The following UGT2A3 variants were observed in gnomAD, a reference collection of about 807,000 sequenced individuals.
UGT2A3 encodes UDP glucuronosyltransferase family 2 member A3.
In UGT2A3, 55 loss-of-function variants were observed where a neutral mutation model predicts 44.1. The ratio of observed to expected loss-of-function variants is 1.25; its 90% CI spans 1.00 to 1.56. UGT2A3 has a LOEUF of 1.56. UGT2A3 is among the 40% of genes most tolerant of loss of function. UGT2A3 has a pLI of 0.00. For synonymous variants in UGT2A3, 243 were observed against 215.1 expected (o/e 1.13, Z -1.13); for missense variants, 733 against 621.6 (o/e 1.18, Z -1.91).
Position 68,945,410 on chromosome 4 carries a change from A to G in UGT2A3, c.760T>C (p.Trp254Arg), listed in dbSNP as rs1264582193. The change falls in exon 2 of 6, where the codon TGG becomes CGG. Residue 254 changes from tryptophan to arginine, a missense_variant. Trp to Arg is a moderately radical substitution (Grantham distance 101). Coordinates refer to ENST00000251566, the MANE Select transcript of UGT2A3 (RefSeq NM_024743.4). ...AAATCCCAATATGTTCGTATTAGCC[A>G]TATCTCAGCTTTTCCCACAGTCTCA... ...LCETVGKAEI[W>R]LIRTYWDFEF... 2.5e-6 allele frequency: 4 copies of G among 1,611,136 alleles called. No homozygotes were observed. The highest frequency in any genetic ancestry group is 3.4e-5 in the Admixed American group (2 of 59,678).
chr4:68,930,896 A>G (rs1414165481), intron 4 of UGT2A3, 131 bp from the exon 5 acceptor site: 7 of 817,246 alleles, frequency 8.6e-6, no homozygotes, highest in African/African-American at 5.2e-5. Flanking sequence ...AGGTGAGCAC[A>G]TGGAGCATTG....
chr4:68,941,038 C>T (rs1560459811), intron 2 of UGT2A3, among the ~76,000 whole-genome samples: 1 of 151,684 alleles, frequency 6.6e-6, no homozygotes, highest in Non-Finnish European at 1.5e-5. Flanking sequence ...GATTAATCCC[C>T]TGCCTGGGAG....
chr4:68,929,883 A>G lies in UGT2A3; in HGVS notation c.1514T>C (p.Leu505Ser). Residue 505 changes from leucine (L) to serine (S), a missense_variant, in exon 6 of 6, where the codon TTG (leucine) becomes TCG (serine). Coordinates refer to ENST00000251566, the MANE Select transcript of UGT2A3 (RefSeq NM_024743.4). ...LLACVATAIF[L>S]FTKCFLFSCQ... ...GGAAAATAAAAAACATTTTGTGAAC[A>G]AGAATATAGCAGTTGCCACACAGGC... 6.2e-7 allele frequency: 1 copy of G among 1,611,266 alleles called. No homozygotes were observed. Among genetic ancestry groups the G allele is most frequent in the South Asian group, 1.1e-5 (1 of 90,388 alleles).
rs1453827213 is a variant in UGT2A3, at chr4:68,928,712, G to A, written c.*1101C>T. On this transcript the variant is annotated 3_prime_UTR_variant, in exon 6 of 6. Transcript: ENST00000251566. ...AGAAGATTAACATATTTGCTTATTA[G>A]TGTAAACATTATTACACTATATTTA... The A allele has an allele frequency of 3.3e-5, 5 of 151,798 alleles. No individual in the cohort carries two copies. Among genetic ancestry groups the A allele is most frequent in the African/African-American group, 1.2e-4 (5 of 41,406 alleles). 9.4% of individuals were successfully genotyped at this position (151,798 alleles called of 1,614,324 possible).
intron 2 of UGT2A3, among the ~76,000 whole-genome samples, chr4:68,938,711 G>C (rs1185671090): frequency 6.6e-6 from 1 of 152,056 alleles, no homozygotes; most frequent in East Asian, 1.9e-4. Flanking sequence ...AGGGCAATCA[G>C]GCAAGAGAAA....
intron 5 of UGT2A3, 72 bp downstream of exon 5, chr4:68,930,474 T>C: frequency 1.5e-6 from 2 of 1,336,720 alleles, no homozygotes; most frequent in Non-Finnish European, 2.0e-6. Flanking sequence ...ACCAGGATGA[T>C]ATTTAACATT....
In UGT2A3 at chr4:68,949,468, G is replaced by A. The variant is rs139757740; in HGVS notation, c.715+1578C>T. Among the ~76,000 whole-genome samples the A allele has an allele frequency of 1.6e-4, 24 of 151,868 alleles. No homozygotes were observed. In the South Asian group the frequency reaches 3.5e-3, roughly 22 times the overall value. On this transcript the variant is annotated intron_variant, in intron 1 of 5. Coordinates refer to ENST00000251566, the MANE Select transcript of UGT2A3 (RefSeq NM_024743.4). Reference sequence around the variant, plus strand: ...TCAAGGTGCCCCCAAGCTAATAAACGTGTAACCATCAAGGAACACTGATCC... The same window carrying A: ...TCAAGGTGCCCCCAAGCTAATAAACATGTAACCATCAAGGAACACTGATCC...
intron 2 of UGT2A3, 91 bp from the exon 3 acceptor site, chr4:68,932,850 A>G (rs1487967279): frequency 2.4e-5 from 31 of 1,287,476 alleles, no homozygotes; most frequent in Non-Finnish European, 2.9e-5. Flanking sequence ...AATACTTGAG[A>G]AATTATTAAT....
rs372283656 is a variant in UGT2A3 at position 68,945,306 on chromosome 4, C to T, written c.864G>A (p.Lys288=). ...ATATTCCTTAATACAATAGTCCTAC[C>T]TTAGGCAAAGCTTTGGCAGGTTTAC... ...LHCKPAKALP[K]EMENFVQSSG... The change falls in exon 2 of 6, where the codon AAG becomes AAA. Residue 288 remains lysine (K), a splice_region_variant and synonymous_variant. Transcript: ENST00000251566. 2.0e-5 allele frequency: 32 copies of T among 1,610,960 alleles called. No individual in the cohort carries two copies. The highest frequency in any genetic ancestry group is 2.5e-5 in the Non-Finnish European group (30 of 1,178,220).
chr4:68,935,719 G>A (rs1285167919), intron 2 of UGT2A3, among the ~76,000 whole-genome samples: 1 of 151,992 alleles, frequency 6.6e-6, no homozygotes, highest in Non-Finnish European at 1.5e-5. Context: ...ACTTTGATGA[G>A]CTGACAGAAG....
At chr4:68,948,186 G>A (rs911332311) in intron 1 of UGT2A3, among the ~76,000 whole-genome samples, 3 of 151,850 alleles carry the variant, frequency 2.0e-5, no homozygotes, top group African/African-American at 4.8e-5. Flanking sequence ...CATTTACTGA[G>A]TATATTAGCT....
intron 2 of UGT2A3, among the ~76,000 whole-genome samples, chr4:68,943,569 T>C (rs1344312882): frequency 6.6e-6 from 1 of 151,776 alleles, no homozygotes. Flanking sequence ...GTAAACCCAG[T>C]ATTGTTACCA....
rs376414130 is a variant in UGT2A3, at chr4:68,932,689, T to G, written c.935A>C (p.Gln312Pro). ...ATTAGCCTTTTCTTCTGTAACATTT[T>G]GAAACAGTGACCCCAGAGAAAACAC... ...IVVFSLGSLF[Q>P]NVTEEKANII... Residue 312 changes from glutamine (Q) to proline (P), a missense_variant, in exon 3 of 6, where the codon CAA becomes CCA. Coordinates refer to ENST00000251566, the MANE Select transcript of UGT2A3 (RefSeq NM_024743.4). The G allele has an allele frequency of 6.2e-6, 10 of 1,612,238 alleles. No individual in the cohort carries two copies. Among genetic ancestry groups the G allele is most frequent in the Non-Finnish European group, 8.5e-6 (10 of 1,178,910 alleles).
chr4:68,949,804 T>C (rs1021465843), intron 1 of UGT2A3, among the ~76,000 whole-genome samples: 3 of 151,870 alleles, frequency 2.0e-5, no homozygotes, highest in Admixed American at 6.6e-5. Context: ...TCACAATAGA[T>C]AATTCTATAA....
intron 1 of UGT2A3, among the ~76,000 whole-genome samples, chr4:68,950,459 A>G (rs1372865228): frequency 6.6e-6 from 1 of 151,928 alleles, no homozygotes; most frequent in Non-Finnish European, 1.5e-5. Flanking sequence ...GCAAAGCAAA[A>G]CAACTTTTTA....
chr4:68,943,346 C>A, intron 2 of UGT2A3: 1 of 1,266,562 alleles, frequency 7.9e-7, no homozygotes, highest in Non-Finnish European at 1.0e-6. Flanking sequence ...GATGCCATGG[C>A]TTAAGAGAGC....
chr4:68,948,363 T>C (rs1309500818), intron 1 of UGT2A3, among the ~76,000 whole-genome samples: 1 of 151,808 alleles, frequency 6.6e-6, no homozygotes, highest in Non-Finnish European at 1.5e-5. Context: ...CGCTTTACTA[T>C]GTATTAGTTT....
At position 68,930,088 on chromosome 4, in the gene UGT2A3, T is replaced by C; in HGVS notation, c.1309A>G (p.Lys437Glu). 1 of 1,604,064 alleles carries C rather than the reference T, an allele frequency of 6.2e-7. No homozygotes were observed. Among genetic ancestry groups the C allele is most frequent in the Non-Finnish European group, 8.5e-7 (1 of 1,174,754 alleles). ...LRTVITDSSYKENAMRLSRIH... is the reference protein window; with the variant it reads ...LRTVITDSSYEENAMRLSRIH... ...CTTGATAATCTCATAGCATTCTCTTTATAACTGGAAGGGAAAAACACACAT... is the reference window on the plus strand; with the variant it reads ...CTTGATAATCTCATAGCATTCTCTTCATAACTGGAAGGGAAAAACACACAT... Residue 437 changes from lysine to glutamate, a missense_variant, in exon 6 of 6, where the codon AAA becomes GAA. Coordinates refer to ENST00000251566, the MANE Select transcript of UGT2A3 (RefSeq NM_024743.4).
Position 68,951,274 on chromosome 4 carries a change from C to G in UGT2A3, c.487G>C (p.Ala163Pro), listed in dbSNP as rs763233676. 4.3e-6 allele frequency: 7 copies of G among 1,611,736 alleles called. No homozygotes were observed. The highest frequency in any genetic ancestry group is 5.1e-6 in the Non-Finnish European group (6 of 1,178,950). ...PCGDLMAELLAVPFVLTLRIS... is the reference protein window; with the variant it reads ...PCGDLMAELLPVPFVLTLRIS... The stretch of plus-strand genomic sequence containing the variant: ...CTAAGTGTGAGCACAAAAGGGACTG[C>G]AAGCAACTCAGCCATCAGGTCTCCA... The change falls in exon 1 of 6, where the codon GCA (alanine) becomes CCA (proline). Residue 163 changes from alanine to proline, a missense_variant. Ala to Pro is a conservative substitution (Grantham distance 27). Transcript: ENST00000251566.
Sources: gnomAD v4.1 joint callset for allele counts (sites outside exome capture counted in the v4.1 genomes callset) on GRCh38, gnomAD v4.1.1 for gene constraint, MANE v1.5 for transcripts, NCBI Gene and HGNC (gene_info 2026-07-23, HGNC 2026-07-21) for gene names.